The following TENM1 variants were observed in gnomAD, a reference collection of about 807,000 sequenced individuals.
TENM1 encodes teneurin-1.
A neutral mutation model predicts 174.8 loss-of-function variants in TENM1; 35 were observed. The observed-to-expected ratio is 0.20, with a 90% CI of 0.15 to 0.27. The LOEUF is 0.27. TENM1 is among the 10% of genes least tolerant of loss of function. The pLI is 1.00. For missense variants in TENM1, 1,633 were observed against 2,130.1 expected, an observed-to-expected ratio of 0.77 and a Z score of 4.59; for synonymous variants, 781 against 798.7, an observed-to-expected ratio of 0.98 and a Z score of 0.37.
At chrX:124,776,391 G>A (rs55912512) in intron 3 of TENM1, among the ~76,000 whole-genome samples, 1 of 111,756 alleles carries the variant, frequency 8.9e-6, no homozygotes, top group South Asian at 3.7e-4. Flanking sequence ...AGTATAATCA[G>A]AATACTGGAT....
At chrX:124,680,038 G>T (rs1036349750) in intron 5 of TENM1, among the ~76,000 whole-genome samples, 1 of 111,058 alleles carries the variant, frequency 9.0e-6, no homozygotes, top group African/African-American at 3.3e-5. Flanking sequence ...TTGAAAGAAA[G>T]AACTTCGCTA....
chrX:125,089,517 T>C, the TENM1 span, among the ~76,000 whole-genome samples: 9 of 112,087 alleles, frequency 8.0e-5, no homozygotes, highest in African/African-American at 2.9e-4. Flanking sequence ...GTACTCATAA[T>C]CTAATTGTTG....
chrX:124,601,622 C>T (rs2050028468), intron 11 of TENM1, among the ~76,000 whole-genome samples: 1 of 110,957 alleles, frequency 9.0e-6, no homozygotes, highest in African/African-American at 3.3e-5. Context: ...CTGAGGAATA[C>T]AGTAATATTT....
intron 4 of TENM1, among the ~76,000 whole-genome samples, chrX:124,722,336 T>A (rs2053330216): frequency 8.9e-6 from 1 of 111,750 alleles, no homozygotes; most frequent in Non-Finnish European, 1.9e-5. Flanking sequence ...AGGGACCGCC[T>A]AGTGTTTTTT....
intron 6 of TENM1, among the ~76,000 whole-genome samples, chrX:124,657,791 A>G (rs912842035): frequency 8.9e-6 from 1 of 112,037 alleles, no homozygotes; most frequent in Non-Finnish European, 1.9e-5. Flanking sequence ...ATAGCCCATA[A>G]CAGCAATCTG....
intron 5 of TENM1, among the ~76,000 whole-genome samples, chrX:124,683,713 T>C (rs997025854): frequency 8.9e-6 from 1 of 112,333 alleles, no homozygotes; most frequent in Non-Finnish European, 1.9e-5. Flanking sequence ...TCAATCTTCT[T>C]AGCATTTTTG....
chrX:124,450,051 G>A (rs1481558132), intron 23 of TENM1, among the ~76,000 whole-genome samples: 1 of 110,674 alleles, frequency 9.0e-6, no homozygotes, highest in Non-Finnish European at 1.9e-5. Context: ...CACAGGTCGT[G>A]GGAGAAACCT....
At chrX:125,169,409 G>T in the TENM1 span, among the ~76,000 whole-genome samples, 2 of 111,337 alleles carry the variant, frequency 1.8e-5, no homozygotes, top group Non-Finnish European at 3.8e-5. Context: ...CCAATGAACG[G>T]GCTAACAAAC....
intron 22 of TENM1, among the ~76,000 whole-genome samples, chrX:124,481,502 C>G (rs1418015570): frequency 9.1e-6 from 1 of 109,495 alleles, no homozygotes; most frequent in African/African-American, 3.3e-5. Flanking sequence ...GCATTTCATT[C>G]TTTTAATAAC....
intron 1 of TENM1, among the ~76,000 whole-genome samples, chrX:124,957,814 C>G (rs919977435): frequency 2.7e-5 from 3 of 111,044 alleles, no homozygotes. Context: ...GTATCAGGTC[C>G]TCAACATACC....
chrX:124,427,281 C>G (rs770867570), intron 23 of TENM1, among the ~76,000 whole-genome samples: 3 of 112,336 alleles, frequency 2.7e-5, no homozygotes, highest in Admixed American at 9.4e-5. Context: ...ATCAAGGCTG[C>G]CTCTGAGATA....
exon 2 of TENM1, chrX:124,896,235 T>C (rs1335479796): frequency 1.7e-6 from 2 of 1,200,913 alleles, no homozygotes; most frequent in African/African-American, 3.5e-5. Context: ...TTCACAGAAT[T>C]CCATCTCTGA....
intron 11 of TENM1, among the ~76,000 whole-genome samples, chrX:124,584,293 G>A (rs1446321281): frequency 3.9e-5 from 4 of 102,376 alleles, no homozygotes; most frequent in Admixed American, 1.1e-4. Flanking sequence ...GAGAAAGGTC[G>A]GGTTACCCAC....
rs898344713 is a variant in TENM1, at chrX:124,706,995, T to G, written c.777-1744A>C. Among the ~76,000 whole-genome samples the G allele has an allele frequency of 6.8e-5, 7 of 103,278 alleles. No homozygotes were observed. In the East Asian group the frequency reaches 2.2e-3, roughly 32 times the overall value. The allele number at this position is 103,278 out of a possible 115,157, so 89.7% of individuals were successfully genotyped here. On this transcript the variant is annotated intron_variant, in intron 4 of 31. Transcript: ENST00000422452. Reference sequence around the variant, plus strand: ...GACGGAGTCTCGCTGTCACCCAGGCTGTAGTACAGTGGCACGATCTCATTC... The same window carrying G: ...GACGGAGTCTCGCTGTCACCCAGGCGGTAGTACAGTGGCACGATCTCATTC...
chrX:124,989,893 A>G, the TENM1 span, among the ~76,000 whole-genome samples: 1 of 111,954 alleles, frequency 8.9e-6, no homozygotes, highest in African/African-American at 3.2e-5. Flanking sequence ...AAGCATTCAC[A>G]CTATGGCAAT....
At chrX:124,698,613 T>A (rs932804856) in intron 5 of TENM1, among the ~76,000 whole-genome samples, 4 of 111,202 alleles carry the variant, frequency 3.6e-5, no homozygotes, top group African/African-American at 1.3e-4. Flanking sequence ...TCTGAGCAAA[T>A]AATTGTCTTG....
At chrX:124,479,346 GC>G (rs1358816875) in intron 22 of TENM1, among the ~76,000 whole-genome samples, 1 of 111,982 alleles carries the variant, frequency 8.9e-6, no homozygotes, top group African/African-American at 3.2e-5. Context: ...TGAAGTCTGG[GC>G]CAGATGTTAT....
At chrX:125,111,025 G>A in the TENM1 span, among the ~76,000 whole-genome samples, 1 of 112,079 alleles carries the variant, frequency 8.9e-6, no homozygotes, top group Non-Finnish European at 1.9e-5. Flanking sequence ...TGGGCACATG[G>A]TAGGTACTCC....
At chrX:124,942,326 G>A (rs930568361) in intron 1 of TENM1, among the ~76,000 whole-genome samples, 26 of 110,934 alleles carry the variant, frequency 2.3e-4, no homozygotes, top group African/African-American at 7.6e-4. Context: ...TGTCTTTCAC[G>A]CTTCTAATAT....
Sources: gnomAD v4.1 joint callset for allele counts (sites outside exome capture counted in the v4.1 genomes callset) on GRCh38, gnomAD v4.1.1 for gene constraint, MANE v1.5 for transcripts, NCBI Gene and HGNC (gene_info 2026-07-23, HGNC 2026-07-21) for gene names.